The following IFI16 variants were observed in gnomAD, a reference collection of about 807,000 sequenced individuals.
IFI16 encodes interferon gamma inducible protein 16.
In IFI16, 49 loss-of-function variants were observed where a neutral mutation model predicts 68.4. That is an observed-to-expected ratio of 0.72 (90% CI 0.57 to 0.91). The LOEUF (loss-of-function observed/expected upper bound fraction) is 0.91, where lower values mean the gene tolerates loss of function less well. Among genes scored for constraint, IFI16 ranks in the 40% least tolerant of loss-of-function variants. IFI16 has a pLI of 0.00. For synonymous variants in IFI16, 307 were observed against 315.0 expected (o/e 0.97, Z 0.27); for missense variants, 878 against 942.9 (o/e 0.93, Z 0.90).
At chr1:159,050,018 T>G (rs1655245545) in intron 9 of IFI16, among the ~76,000 whole-genome samples, 1 of 152,220 alleles carries the variant, frequency 6.6e-6, no homozygotes, top group South Asian at 2.1e-4. Context: ...AAATAACTTT[T>G]AACTGTCAGA....
At chr1:159,031,832 G>T (rs558691123) in intron 6 of IFI16, among the ~76,000 whole-genome samples, 1 of 152,176 alleles carries the variant, frequency 6.6e-6, no homozygotes, top group Non-Finnish European at 1.5e-5. Context: ...TATAAAACTC[G>T]TGGTAAATAA....
intron 6 of IFI16, among the ~76,000 whole-genome samples, chr1:159,026,595 G>T (rs1019743509): frequency 1.3e-5 from 2 of 152,004 alleles, no homozygotes; most frequent in African/African-American, 4.8e-5. Flanking sequence ...CACTGCGCCC[G>T]GCCAATATGG....
At chr1:159,003,463 C>G (rs1471268713), upstream of IFI16, among the ~76,000 whole-genome samples, 1 of 152,084 alleles carries the variant, frequency 6.6e-6, no homozygotes, top group Non-Finnish European at 1.5e-5. Context: ...TAAAGGAGCT[C>G]GATCTCTGTT....
intron 2 of IFI16, 101 bp from the exon 3 acceptor site, chr1:159,015,771 A>G: frequency 1.2e-6 from 1 of 836,674 alleles, no homozygotes; most frequent in Non-Finnish European, 2.0e-6. Flanking sequence ...TCAAGCAGGA[A>G]CTGAGAGCAA....
At chr1:159,017,618 T>C (rs1253739979) in intron 4 of IFI16, among the ~76,000 whole-genome samples, 4 of 152,072 alleles carry the variant, frequency 2.6e-5, no homozygotes, top group Non-Finnish European at 4.4e-5. Context: ...GTTGTTGTTG[T>C]TGTTGTTGAG....
At chr1:159,043,440 T>C (rs1654787652) in intron 7 of IFI16, among the ~76,000 whole-genome samples, 1 of 152,152 alleles carries the variant, frequency 6.6e-6, no homozygotes, top group African/African-American at 2.4e-5. Context: ...AAGCACAAGA[T>C]CCAAGGCAGA....
In IFI16 at chr1:159,048,339, C is replaced by T. The variant is rs1031373250; in HGVS notation, c.1498-1093C>T. ...TACAAAAATGCTATGGCTAGTCCCA[C>T]TTCACATGTGAGAAAACTGAGATGC... is the stretch of plus-strand genomic sequence containing the variant. On this transcript the variant is annotated intron_variant, in intron 8 of 11. Coordinates refer to ENST00000295809, the MANE Select transcript of IFI16 (RefSeq NM_001376587.1). 1.3e-5 allele frequency among the ~76,000 whole-genome samples: 2 copies of T among 151,436 alleles called. 1 individual carries two copies. Among genetic ancestry groups the T allele is most frequent in the Non-Finnish European group, 3.0e-5 (2 of 67,706 alleles).
At chr1:159,000,675 G>C in intron 1 of IFI16, among the ~76,000 whole-genome samples, 1 of 152,152 alleles carries the variant, frequency 6.6e-6, no homozygotes, top group East Asian at 1.9e-4. Context: ...AGTAGATAAA[G>C]CTCAATTTTT....
chr1:159,009,390 C>T (rs759147119), upstream of IFI16, among the ~76,000 whole-genome samples: 5 of 152,082 alleles, frequency 3.3e-5, no homozygotes, highest in Non-Finnish European at 7.3e-5. Flanking sequence ...AAACAAATAG[C>T]GATTTCATAG....
intron 4 of IFI16, among the ~76,000 whole-genome samples, chr1:159,018,028 G>A (rs1653044808): frequency 6.6e-6 from 1 of 152,146 alleles, no homozygotes; most frequent in South Asian, 2.1e-4. Context: ...TTCACTATAT[G>A]GTCTCCTCTG....
At chr1:159,006,286 AG>A (rs1324526183), upstream of IFI16, among the ~76,000 whole-genome samples, 1 of 152,148 alleles carries the variant, frequency 6.6e-6, no homozygotes, top group African/African-American at 2.4e-5. Flanking sequence ...TAGGAAGGGG[AG>A]GGGGACTCAA....
At chr1:159,010,363 A>G (rs555915440) in intron 1 of IFI16, among the ~76,000 whole-genome samples, 23 of 152,324 alleles carry the variant, frequency 1.5e-4, no homozygotes, top group Admixed American at 1.1e-3. Context: ...CTATTCCACC[A>G]CAACTGAGGA....
chr1:159,048,576 A>G (rs369036345), intron 8 of IFI16, among the ~76,000 whole-genome samples: 5 of 151,306 alleles, frequency 3.3e-5, no homozygotes, highest in Non-Finnish European at 5.9e-5. Flanking sequence ...GTGGTCAGAG[A>G]CTGTTCTAAT....
intron 3 of IFI16, 129 bp downstream of exon 3, chr1:159,016,116 G>GTATGA (rs1652909172): frequency 1.6e-6 from 1 of 643,724 alleles, no homozygotes; most frequent in African/African-American, 1.8e-5. Flanking sequence ...TTACCAAATT[G>GTATGA]TATGATAATT....
chr1:159,034,882 A>T (rs1433711766), intron 7 of IFI16, among the ~76,000 whole-genome samples: 1 of 152,224 alleles, frequency 6.6e-6, no homozygotes, highest in Admixed American at 6.5e-5. Context: ...GAGGGGAAAA[A>T]GTCAGTTCAT....
At chr1:159,001,638 T>TTG (rs1163310865), upstream of IFI16, among the ~76,000 whole-genome samples, 1 of 152,170 alleles carries the variant, frequency 6.6e-6, no homozygotes, top group African/African-American at 2.4e-5. Context: ...TGAGCATCTA[T>TTG]TATATGCTAA....
intron 6 of IFI16, among the ~76,000 whole-genome samples, chr1:159,026,275 A>G (rs926887422): frequency 3.4e-5 from 5 of 147,128 alleles, no homozygotes; most frequent in African/African-American, 7.5e-5. Context: ...TTTTGGCAGT[A>G]TGGTCATTTT....
At chr1:159,005,797 C>T (rs189253942), upstream of IFI16, among the ~76,000 whole-genome samples, 3 of 152,308 alleles carry the variant, frequency 2.0e-5, no homozygotes, top group Non-Finnish European at 4.4e-5. Flanking sequence ...CAGGAACATC[C>T]TCCCACTCCT....
chr1:159,034,471 ATTATCT>A (rs769288580), intron 7 of IFI16, among the ~76,000 whole-genome samples: 62 of 152,334 alleles, frequency 4.1e-4, no homozygotes, highest in Non-Finnish European at 3.8e-4. Context: ...GAATATGTTC[ATTATCT>A]TTATTCCAAT....
Sources: gnomAD v4.1 joint callset for allele counts (sites outside exome capture counted in the v4.1 genomes callset) on GRCh38, gnomAD v4.1.1 for gene constraint, MANE v1.5 for transcripts, NCBI Gene and HGNC (gene_info 2026-07-23, HGNC 2026-07-21) for gene names.